The following HNF4G variants were observed in gnomAD, a reference collection of about 807,000 sequenced individuals.
HNF4G encodes the protein hepatocyte nuclear factor 4-gamma.
A neutral mutation model predicts 50.9 loss-of-function variants in HNF4G; 21 were observed. The observed-to-expected ratio is 0.41, with a 90% CI of 0.29 to 0.59. The LOEUF is 0.59. Ranked by LOEUF, HNF4G falls within the 20% of genes least tolerant of loss-of-function variation. HNF4G has a pLI of 0.26. For missense variants in HNF4G, 527 were observed against 559.4 expected, an observed-to-expected ratio of 0.94 and a Z score of 0.58; for synonymous variants, 198 against 185.6, an observed-to-expected ratio of 1.07 and a Z score of -0.54.
intron 5 of HNF4G, among the ~76,000 whole-genome samples, chr8:75,554,598 T>C (rs1807060957): frequency 6.6e-6 from 1 of 152,166 alleles, no homozygotes; most frequent in Admixed American, 6.6e-5. Context: ...TAAAATTCAT[T>C]CAATAAATTC....
At chr8:75,501,922 G>A (rs576689143) in intron 2 of HNF4G, among the ~76,000 whole-genome samples, 12 of 145,694 alleles carry the variant, frequency 8.2e-5, no homozygotes, top group African/African-American at 2.6e-4. Flanking sequence ...GCGCAATCTC[G>A]GCTCACTGCA....
chr8:75,556,559 G>C (rs111477535), intron 6 of HNF4G, among the ~76,000 whole-genome samples: 7,014 of 152,196 alleles, frequency 0.046, 197 homozygotes, highest in Middle Eastern at 0.068. Context: ...CGATAGACAG[G>C]AATGCTAGAA....
At chr8:75,474,686 AATT>A (rs111849589) in intron 1 of HNF4G, among the ~76,000 whole-genome samples, 2,337 of 152,036 alleles carry the variant, frequency 0.015, 62 homozygotes, top group African/African-American at 0.054. Flanking sequence ...TTGGAGATGG[AATT>A]ATTATTTTTT....
chr8:75,460,420 T>G (rs1811815624), intron 1 of HNF4G, among the ~76,000 whole-genome samples: 1 of 152,198 alleles, frequency 6.6e-6, no homozygotes, highest in African/African-American at 2.4e-5. Context: ...CTGAAGGTGC[T>G]TAAAAGACAA....
chr8:75,497,423 C>T (rs760342191), intron 2 of HNF4G, among the ~76,000 whole-genome samples: 8 of 152,144 alleles, frequency 5.3e-5, no homozygotes, highest in Non-Finnish European at 1.0e-4. Context: ...CGGTGGCTCA[C>T]GCCTGTAATC....
intron 2 of HNF4G, among the ~76,000 whole-genome samples, chr8:75,518,604 T>G (rs1805956685): frequency 6.6e-6 from 1 of 152,196 alleles, no homozygotes; most frequent in Non-Finnish European, 1.5e-5. Flanking sequence ...ACCTGTAAGC[T>G]GCCAAAGTTT....
intron 2 of HNF4G, among the ~76,000 whole-genome samples, chr8:75,492,906 G>C (rs1340236187): frequency 6.6e-6 from 1 of 152,108 alleles, no homozygotes; most frequent in Non-Finnish European, 1.5e-5. Flanking sequence ...GGAGCAGGGA[G>C]AGTGCAGTTC....
intron 1 of HNF4G, among the ~76,000 whole-genome samples, chr8:75,426,207 T>C (rs1810887671): frequency 6.6e-6 from 1 of 152,244 alleles, no homozygotes; most frequent in Admixed American, 6.5e-5. Context: ...AGACTTTTAT[T>C]GTCATACTGT....
chr8:75,442,963 T>A (rs1293392304), intron 1 of HNF4G, among the ~76,000 whole-genome samples: 1 of 152,178 alleles, frequency 6.6e-6, no homozygotes, highest in African/African-American at 2.4e-5. Context: ...GTGATCTGAA[T>A]GTTTGCATCT....
intron 2 of HNF4G, among the ~76,000 whole-genome samples, chr8:75,513,008 T>C (rs938029924): frequency 6.6e-6 from 1 of 152,162 alleles, no homozygotes; most frequent in African/African-American, 2.4e-5. Context: ...AGTTTTATTA[T>C]TAGGTAGATT....
At chr8:75,553,909 C>G (rs190674218) in intron 5 of HNF4G, among the ~76,000 whole-genome samples, 2 of 152,038 alleles carry the variant, frequency 1.3e-5, no homozygotes, top group Admixed American at 1.3e-4. Flanking sequence ...CCTAATTGTA[C>G]TATAAAGATA....
At chr8:75,548,792 G>A (rs549250843) in intron 3 of HNF4G, among the ~76,000 whole-genome samples, 3 of 152,220 alleles carry the variant, frequency 2.0e-5, no homozygotes, top group Admixed American at 1.3e-4. Context: ...TAAAATATAT[G>A]AAGCCCATCT....
chr8:75,442,877 G>C (rs930253819), intron 1 of HNF4G, among the ~76,000 whole-genome samples: 1 of 152,096 alleles, frequency 6.6e-6, no homozygotes, highest in Non-Finnish European at 1.5e-5. Flanking sequence ...AACAAGTAAT[G>C]ATCAGATGAC....
intron 1 of HNF4G, among the ~76,000 whole-genome samples, chr8:75,441,524 T>C (rs554117081): frequency 3.5e-4 from 54 of 152,268 alleles, no homozygotes; most frequent in African/African-American, 1.3e-3. Context: ...GGATTACAGA[T>C]GTGAGCCACC....
At chr8:75,434,133 A>G (rs778409443) in intron 1 of HNF4G, among the ~76,000 whole-genome samples, 4 of 150,014 alleles carry the variant, frequency 2.7e-5, no homozygotes, top group Non-Finnish European at 4.4e-5. Flanking sequence ...CCTCCTGAGT[A>G]GCTGGGATTA....
intron 1 of HNF4G, among the ~76,000 whole-genome samples, chr8:75,435,656 T>C (rs890281043): frequency 6.6e-6 from 1 of 152,166 alleles, no homozygotes; most frequent in Admixed American, 6.6e-5. Flanking sequence ...TGCAGTGGCA[T>C]GATCTGGGCT....
At chr8:75,526,637 A>G (rs1806187564) in intron 2 of HNF4G, among the ~76,000 whole-genome samples, 1 of 151,752 alleles carries the variant, frequency 6.6e-6, no homozygotes. Flanking sequence ...AGGATTAAGC[A>G]ATCCTTCCAC....
At chr8:75,491,740 T>G (rs1462269150) in intron 2 of HNF4G, among the ~76,000 whole-genome samples, 1 of 152,170 alleles carries the variant, frequency 6.6e-6, no homozygotes, top group African/African-American at 2.4e-5. Context: ...CCTCCCAAAG[T>G]GCTAAGATTA....
chr8:75,407,758 C>CA (rs1259692322), upstream of HNF4G, among the ~76,000 whole-genome samples: 7 of 152,296 alleles, frequency 4.6e-5, no homozygotes, highest in South Asian at 2.1e-4. Flanking sequence ...AACAAACAAA[C>CA]AACAACAAAA....
Sources: gnomAD v4.1 joint callset for allele counts (sites outside exome capture counted in the v4.1 genomes callset) on GRCh38, gnomAD v4.1.1 for gene constraint, MANE v1.5 for transcripts, NCBI Gene and HGNC (gene_info 2026-07-23, HGNC 2026-07-21) for gene names.